Variants in HERC2 observed in about 807,000 individuals in gnomAD.
HERC2 encodes the protein E3 ubiquitin-protein ligase HERC2.
In HERC2, 102 loss-of-function variants were observed where a neutral mutation model predicts 537.7. The observed-to-expected ratio is 0.19, with a 90% CI of 0.16 to 0.22. The LOEUF (loss-of-function observed/expected upper bound fraction) is 0.22. Among genes scored for constraint, HERC2 ranks in the 10% least tolerant of loss-of-function variants. The probability of loss-of-function intolerance (pLI) is 1.00; values close to 1 mark genes in which losing one functional copy is unlikely to be tolerated. For missense variants in HERC2, 4,236 were observed against 6,198.2 expected (o/e 0.68, Z 10.63); for synonymous variants, 2,224 against 2,466.2 (o/e 0.90, Z 2.91).
chr15:28,218,555 C>T lies in HERC2; in HGVS notation c.5962G>A (p.Glu1988Lys), dbSNP rs1232004634. ...AGTCCGCATAAAGTCTTGGTGGCTT[C>T]GCTCTGCATGATCTCAGCATGAACT... is the stretch of plus-strand genomic sequence containing the variant. ...AGVHAEIMQS[E>K]ATKTLCGLLR... Residue 1988 changes from glutamate (E) to lysine (K), a missense_variant, in exon 38 of 93, where the codon GAA (glutamate) becomes AAA (lysine). Glu to Lys is a moderately conservative substitution (Grantham distance 56). This residue lies in a region of HERC2 where 365 missense variants were observed against 468.8 expected (regional missense o/e 0.78). Transcript: ENST00000261609. 5.0e-6 allele frequency: 8 copies of T among 1,598,042 alleles called. No homozygotes were observed. Among genetic ancestry groups the T allele is most frequent in the Admixed American group, 1.7e-5 (1 of 60,010 alleles).
intron 37 of HERC2, among the ~76,000 whole-genome samples, chr15:28,220,216 C>T (rs1567032730): frequency 6.6e-6 from 1 of 152,216 alleles, no homozygotes; most frequent in Non-Finnish European, 1.5e-5. Flanking sequence ...CGGGTGCACA[C>T]ATGAGAGTAA....
intron 9 of HERC2, 85 bp from the exon 10 acceptor site, chr15:28,270,953 T>C: frequency 8.4e-7 from 1 of 1,189,508 alleles, no homozygotes; most frequent in Non-Finnish European, 1.2e-6. Context: ...GCTTTATATT[T>C]TGGTATTGAC....
At position 28,111,261 on chromosome 15, in the gene HERC2, T is replaced by C. The variant is rs987730102; in HGVS notation, c.*502A>G. 1.9e-5 allele frequency: 3 copies of C among 154,812 alleles called. No homozygotes were observed. The highest frequency in any genetic ancestry group is 7.2e-5 in the African/African-American group (3 of 41,468). 9.6% of individuals were successfully genotyped at this position (154,812 alleles called of 1,614,324 possible). ...TTGGTTTAAATATCCTCTGGATGCATTCAAGTAATACTAATCATTTCATGT... is the reference window on the plus strand; with the variant it reads ...TTGGTTTAAATATCCTCTGGATGCACTCAAGTAATACTAATCATTTCATGT... On this transcript the variant is annotated 3_prime_UTR_variant, in exon 93 of 93. Coordinates refer to ENST00000261609, the MANE Select transcript of HERC2 (RefSeq NM_004667.6).
In HERC2 at chr15:28,142,874, G is replaced by A. The variant is rs781750476; in HGVS notation, c.11497C>T (p.Pro3833Ser). 6.3e-6 allele frequency: 10 copies of A among 1,588,944 alleles called. No homozygotes were observed. The highest frequency in any genetic ancestry group is 6.9e-6 in the Non-Finnish European group (8 of 1,158,136). Residue 3833 changes from proline to serine, a missense_variant, in exon 75 of 93, where the codon CCT (proline) becomes TCT (serine). Coordinates refer to ENST00000261609, the MANE Select transcript of HERC2 (RefSeq NM_004667.6). Reference sequence around the variant, plus strand: ...AGCTGTTTGCCACCCCTCACAATAGGATCTTCATATTCAAACTGCCTTTGC... The same window carrying A: ...AGCTGTTTGCCACCCCTCACAATAGAATCTTCATATTCAAACTGCCTTTGC... ...ALQRQFEYEDPIVRGGKQLLH... is the reference protein window; with the variant it reads ...ALQRQFEYEDSIVRGGKQLLH...
At position 28,191,946 on chromosome 15, in the gene HERC2, C is replaced by T. The variant is rs1896893754; in HGVS notation, c.8451+15G>A. ...GGTGTGAAAGTGCCCGCTGCTGTGCCCTATTAGATGCTACCTTTCCTTGCG... is the reference window on the plus strand; with the variant it reads ...GGTGTGAAAGTGCCCGCTGCTGTGCTCTATTAGATGCTACCTTTCCTTGCG... On this transcript the variant is annotated intron_variant, in intron 53 of 92. Transcript: ENST00000261609. The T allele has an allele frequency of 6.2e-7, 1 of 1,607,266 alleles. No homozygotes were observed. The highest frequency in any genetic ancestry group is 8.5e-7 in the Non-Finnish European group (1 of 1,176,042).
intron 2 of HERC2, among the ~76,000 whole-genome samples, chr15:28,306,528 T>G (rs2076793960): frequency 6.6e-6 from 1 of 152,218 alleles, no homozygotes; most frequent in Non-Finnish European, 1.5e-5. Flanking sequence ...TGGCCTGTTT[T>G]GTTTTTTTGA....
At chr15:28,171,379 A>G (rs533290273) in intron 65 of HERC2, among the ~76,000 whole-genome samples, 1 of 152,360 alleles carries the variant, frequency 6.6e-6, no homozygotes, top group South Asian at 2.1e-4. Flanking sequence ...GAAAAGAGCT[A>G]TACGTTAAGA....
intron 26 of HERC2, among the ~76,000 whole-genome samples, chr15:28,235,005 TG>T (rs1277371491): frequency 1.3e-5 from 2 of 151,892 alleles, no homozygotes; most frequent in Non-Finnish European, 2.9e-5. Flanking sequence ...GTGCAAGGCA[TG>T]GGATCAACCA....
In HERC2 at chr15:28,256,094, C is replaced by A; in HGVS notation, c.2741G>T (p.Cys914Phe). ...TGTTCCTTCCCCAGGCCCACCTGCG[C>A]AGGGCAGGAGAGCAGAGAGTGCCCG... ...RARALSALLPCAVSGNEVNIS... is the reference protein window; with the variant it reads ...RARALSALLPFAVSGNEVNIS... Residue 914 changes from cysteine (C) to phenylalanine (F), a missense_variant, in exon 18 of 93, where the codon TGC (cysteine) becomes TTC (phenylalanine). Around this residue, in one of 27 missense-constraint regions of HERC2, gnomAD observed 754 missense variants for 1,085.0 expected, o/e 0.69. Transcript: ENST00000261609. The A allele has an allele frequency of 6.2e-7, 1 of 1,603,546 alleles. No homozygotes were observed. The highest frequency in any genetic ancestry group is 8.5e-7 in the Non-Finnish European group (1 of 1,179,088).
At chr15:28,217,554 ACTCC>A (rs1454215642) in intron 38 of HERC2, among the ~76,000 whole-genome samples, 1 of 151,308 alleles carries the variant, frequency 6.6e-6, no homozygotes, top group Non-Finnish European at 1.5e-5. Context: ...CACTCACCCC[ACTCC>A]CTCAGCTCAC....
At chr15:28,295,166 G>A (rs1346791591) in intron 3 of HERC2, among the ~76,000 whole-genome samples, 13 of 152,030 alleles carry the variant, frequency 8.6e-5, no homozygotes, top group Admixed American at 8.5e-4. Context: ...ATTGCCAGTG[G>A]GAATGCAAAC....
intron 50 of HERC2, among the ~76,000 whole-genome samples, chr15:28,197,667 C>G (rs549498779): frequency 4.6e-5 from 7 of 152,256 alleles, no homozygotes; most frequent in African/African-American, 1.7e-4. Context: ...CTGGAGAATT[C>G]CTTAAACCTG....
chr15:28,150,985 T>C (rs1279996629), intron 70 of HERC2, among the ~76,000 whole-genome samples: 1 of 152,162 alleles, frequency 6.6e-6, no homozygotes, highest in African/African-American at 2.4e-5. Flanking sequence ...GACCAGTCAG[T>C]AAAACTAAGA....
chr15:28,298,327 T>C (rs1460157678), intron 3 of HERC2, among the ~76,000 whole-genome samples: 1 of 148,884 alleles, frequency 6.7e-6, no homozygotes, highest in Non-Finnish European at 1.5e-5. Flanking sequence ...CTAATTTTTG[T>C]ATTTTTTAGT....
intron 2 of HERC2, among the ~76,000 whole-genome samples, chr15:28,307,841 T>C (rs1212090476): frequency 6.6e-6 from 1 of 152,238 alleles, no homozygotes; most frequent in Non-Finnish European, 1.5e-5. Context: ...CTTGGTACCT[T>C]TGTCGAAAAT....
chr15:28,146,696 C>T (rs1197127133), intron 70 of HERC2, among the ~76,000 whole-genome samples: 1 of 150,782 alleles, frequency 6.6e-6, no homozygotes, highest in Non-Finnish European at 1.5e-5. Context: ...AGTCAGATGG[C>T]AGCTGTGGGT....
chr15:28,295,284 G>A (rs1186490585), intron 3 of HERC2, among the ~76,000 whole-genome samples: 1 of 123,106 alleles, frequency 8.1e-6, no homozygotes, highest in African/African-American at 3.0e-5. Flanking sequence ...GCTTCTAAAG[G>A]CCAGACTCTG....
At position 28,130,456 on chromosome 15, in the gene HERC2, A is replaced by G. The variant is rs200111473; in HGVS notation, c.12662+47T>C. The G allele has an allele frequency of 5.5e-5, 87 of 1,582,608 alleles. No individual in the cohort carries two copies. The Admixed American group carries it at 1.2e-3, about 22-fold the overall frequency. On this transcript the variant is annotated intron_variant, in intron 82 of 92. Coordinates refer to ENST00000261609, the MANE Select transcript of HERC2 (RefSeq NM_004667.6). ...ATGAAAAGGTGGTGCACATACCCCA[A>G]TAAAAATCTGGTTTTAGTGGGTTTA...
intron 36 of HERC2, among the ~76,000 whole-genome samples, chr15:28,220,883 CAGTT>C (rs1345209320): frequency 6.8e-6 from 1 of 146,016 alleles, no homozygotes; most frequent in East Asian, 2.1e-4. Flanking sequence ...CACCAGACCT[CAGTT>C]AGGAGGGTGC....
Sources: gnomAD v4.1 joint callset for allele counts (sites outside exome capture counted in the v4.1 genomes callset) on GRCh38, gnomAD v4.1.1 for gene constraint, gnomAD v4.1.1 regional missense constraint, MANE v1.5 for transcripts, NCBI Gene and HGNC (gene_info 2026-07-23, HGNC 2026-07-21) for gene names.